Variants in NMBR observed in about 807,000 individuals in gnomAD.
NMBR encodes the protein neuromedin-B receptor.
A neutral mutation model predicts 20.5 loss-of-function variants in NMBR; 16 were observed. That is an observed-to-expected ratio of 0.78 (90% confidence interval 0.53 to 1.19). The LOEUF is 1.19. Ranked by LOEUF, NMBR falls within the 50% of genes most tolerant of loss-of-function variation. The pLI, the probability that NMBR is intolerant of heterozygous loss-of-function variation, is 0.00. For synonymous variants in NMBR, 212 were observed against 196.6 expected, an observed-to-expected ratio of 1.08 and a Z score of -0.65; for missense variants, 582 against 499.1, an observed-to-expected ratio of 1.17 and a Z score of -1.58.
rs1777749344 is a variant in NMBR at position 142,110,813 on chromosome 6, T to C, written c.-663-21492A>G. Among the ~76,000 whole-genome samples the C allele has an allele frequency of 2.6e-5, 4 of 152,220 alleles. No homozygotes were observed. The South Asian group carries it at 8.3e-4, about 32-fold the overall frequency. ...TGCCCAGATCATCAGCTTTTCATCTTAACTGCCAAATTCGTTTATAGAAAA... is the reference window on the plus strand; with the variant it reads ...TGCCCAGATCATCAGCTTTTCATCTCAACTGCCAAATTCGTTTATAGAAAA... On this transcript the variant is annotated intron_variant, in intron 1 of 3. Coordinates refer to ENST00000258042, the MANE Select transcript of NMBR (RefSeq NM_002511.4).
At chr6:142,110,631 T>C (rs1777745978) in intron 1 of NMBR, among the ~76,000 whole-genome samples, 1 of 152,162 alleles carries the variant, frequency 6.6e-6, no homozygotes. Flanking sequence ...AGGGTGATAA[T>C]ATTTTTAAAC....
chr6:142,137,810 C>T (rs951858141), intron 1 of NMBR, among the ~76,000 whole-genome samples: 29 of 151,972 alleles, frequency 1.9e-4, no homozygotes, highest in South Asian at 4.1e-4. Context: ...TTGATTTGCG[C>T]ATATTGAACC....
rs1776890309 is a variant in NMBR, at chr6:142,074,527, G to A, written c.*1121C>T. Among the ~76,000 whole-genome samples, 1 of 152,022 alleles carries A rather than the reference G, an allele frequency of 6.6e-6. No homozygotes were observed. Among genetic ancestry groups the A allele is most frequent in the Non-Finnish European group, 1.5e-5 (1 of 67,992 alleles). On this transcript the variant is annotated 3_prime_UTR_variant, in exon 4 of 4. Transcript: ENST00000258042. ...TTATTGATACATGCTTTTAAAAATG[G>A]TAGCTTTTAAACTGTAATCAATACA...
At chr6:142,111,374 A>T (rs1385460764) in intron 1 of NMBR, among the ~76,000 whole-genome samples, 1 of 152,224 alleles carries the variant, frequency 6.6e-6, no homozygotes, top group Non-Finnish European at 1.5e-5. Flanking sequence ...GGCAATGAGT[A>T]CAACAATCAT....
intron 1 of NMBR, among the ~76,000 whole-genome samples, chr6:142,143,331 C>T (rs1364612448): frequency 6.6e-6 from 1 of 152,222 alleles, no homozygotes; most frequent in Non-Finnish European, 1.5e-5. Context: ...GTCGCCCAGG[C>T]TGGAGTGCAG....
rs1776901787 is a variant in NMBR at position 142,075,077 on chromosome 6, T to C, written c.*571A>G. Among the ~76,000 whole-genome samples, 1 of 143,722 alleles carries C rather than the reference T, an allele frequency of 7.0e-6. No individual in the cohort carries two copies. The highest frequency in any genetic ancestry group is 1.5e-5 in the Non-Finnish European group (1 of 66,612). 94.3% of individuals were successfully genotyped at this position (143,722 alleles called of 152,430 possible). A position where few individuals can be genotyped will look rare whatever the true frequency, so the allele number is the denominator to read the frequency against. On this transcript the variant is annotated 3_prime_UTR_variant, in exon 4 of 4. Transcript: ENST00000258042. ...ATTTTCTTAAAATGAAGGACGTGTG[T>C]GTGTGTACATATATACATATACATA... is the stretch of plus-strand genomic sequence containing the variant.
Position 142,088,457 on chromosome 6 carries a change from A to C in NMBR, c.202T>G (p.Phe68Val), listed in dbSNP as rs1582840361. 3 of 1,614,006 alleles carry C rather than the reference A, an allele frequency of 1.9e-6. No homozygotes were observed. Among genetic ancestry groups the C allele is most frequent in the East Asian group, 2.2e-5 (1 of 44,862 alleles). The change falls in exon 2 of 4, where the codon TTC (phenylalanine) becomes GTC (valine). Residue 68 changes from phenylalanine (F) to valine (V), a missense_variant. Transcript: ENST00000258042. The part of the protein sequence containing the change: ...LLGNIMLVKI[F>V]ITNSAMRSVP... ...CTCCTCATGGCGCTGTTGGTGATGAAGATCTTCACCAGCATGATGTTGCCC... is the reference window on the plus strand; with the variant it reads ...CTCCTCATGGCGCTGTTGGTGATGACGATCTTCACCAGCATGATGTTGCCC...
At chr6:142,137,723 A>C (rs915366492) in intron 1 of NMBR, among the ~76,000 whole-genome samples, 3 of 152,060 alleles carry the variant, frequency 2.0e-5, no homozygotes, top group Non-Finnish European at 2.9e-5. Context: ...GAATTTTGTC[A>C]AAGGCCTTTT....
intron 1 of NMBR, among the ~76,000 whole-genome samples, chr6:142,101,696 C>T (rs1252839666): frequency 2.0e-5 from 3 of 152,130 alleles, no homozygotes; most frequent in Non-Finnish European, 4.4e-5. Context: ...GGCATGAGCT[C>T]AATCCAAAAC....
chr6:142,086,863 G>C (rs990660436), intron 2 of NMBR, among the ~76,000 whole-genome samples: 1 of 152,244 alleles, frequency 6.6e-6, no homozygotes, highest in Admixed American at 6.5e-5. Flanking sequence ...AAAGCACAAT[G>C]ATAGTAATTT....
intron 1 of NMBR, among the ~76,000 whole-genome samples, chr6:142,100,313 C>T (rs1165930268): frequency 6.6e-6 from 1 of 152,022 alleles, no homozygotes; most frequent in Non-Finnish European, 1.5e-5. Context: ...GAAAGATGTC[C>T]TTTAGTAGGT....
chr6:142,086,360 C>T (rs1777199429), intron 2 of NMBR, among the ~76,000 whole-genome samples: 1 of 152,128 alleles, frequency 6.6e-6, no homozygotes, highest in South Asian at 2.1e-4. Context: ...ACAATTGATT[C>T]CACATCCACA....
chr6:142,075,842 G>C lies in NMBR; in HGVS notation c.979C>G (p.Leu327Val), dbSNP rs141607430. 1.6e-4 allele frequency: 260 copies of C among 1,613,946 alleles called. No individual in the cohort carries two copies. The highest frequency in any genetic ancestry group is 2.0e-4 in the Non-Finnish European group (239 of 1,179,966). The change falls in exon 4 of 4, where the codon CTC becomes GTC. Residue 327 changes from leucine (L) to valine (V), a missense_variant. Transcript: ENST00000258042. ...AAATGCCTCCTGAAGCTTTCACTGA[G>C]TAGGTAAAGAGCAAATGGGTTGACA... ...SCVNPFALYL[L>V]SESFRRHFNS...
chr6:142,135,812 A>G (rs1443123771), intron 1 of NMBR, among the ~76,000 whole-genome samples: 1 of 151,996 alleles, frequency 6.6e-6, no homozygotes, highest in Non-Finnish European at 1.5e-5. Flanking sequence ...ATGTCCCTAC[A>G]AAGGACATGA....
intron 2 of NMBR, among the ~76,000 whole-genome samples, chr6:142,081,441 T>C (rs1379995085): frequency 6.6e-6 from 1 of 152,178 alleles, no homozygotes; most frequent in Non-Finnish European, 1.5e-5. Context: ...AGCAGAAATG[T>C]TGGCCTTTCC....
chr6:142,105,148 G>A (rs549395823), intron 1 of NMBR, among the ~76,000 whole-genome samples: 38 of 152,114 alleles, frequency 2.5e-4, no homozygotes, highest in African/African-American at 8.4e-4. Flanking sequence ...GGGCGGGGAG[G>A]GGGTATTTTC....
At chr6:142,134,114 G>A (rs902298535) in intron 1 of NMBR, 3 of 534,544 alleles carry the variant, frequency 5.6e-6, no homozygotes, top group Non-Finnish European at 1.0e-5. Context: ...GTCATAATAT[G>A]AGAAATACCC....
chr6:142,102,673 T>C (rs4577816), intron 1 of NMBR, among the ~76,000 whole-genome samples: 69,080 of 151,954 alleles, frequency 0.45, 15,982 homozygotes, highest in East Asian at 0.74. Flanking sequence ...ACCTATAATG[T>C]AGGTTAAGAG....
At chr6:142,122,492 A>G (rs911864777) in intron 1 of NMBR, among the ~76,000 whole-genome samples, 6 of 151,994 alleles carry the variant, frequency 3.9e-5, no homozygotes, top group African/African-American at 1.4e-4. Context: ...TAATTGATGA[A>G]GGTGGCAACA....
Sources: allele counts gnomAD v4.1 joint callset (sites outside exome capture counted in the v4.1 genomes callset), GRCh38; gene constraint gnomAD v4.1.1; transcripts MANE v1.5; gene names NCBI Gene and HGNC (gene_info 2026-07-23, HGNC 2026-07-21).